The following REXO5 variants were observed in gnomAD, a reference collection of about 807,000 sequenced individuals.
REXO5 encodes exonuclease NEF-sp.
Under a neutral mutation model 88.5 loss-of-function variants are expected in REXO5, and 48 were observed. The ratio of observed to expected loss-of-function variants is 0.54; its 90% CI spans 0.43 to 0.69. REXO5 has a LOEUF of 0.69. Ranked by LOEUF, REXO5 falls within the 30% of genes least tolerant of loss-of-function variation. REXO5 has a pLI of 0.00. For synonymous variants in REXO5, 311 were observed against 336.5 expected (o/e 0.92, Z 0.83); for missense variants, 749 against 912.2 (o/e 0.82, Z 2.30).
intron 2 of REXO5, chr16:20,807,296 C>T: frequency 4.9e-6 from 3 of 616,458 alleles, no homozygotes; most frequent in Non-Finnish European, 8.2e-6. Flanking sequence ...GATAGTGAGT[C>T]GGCCGAGTGC....
chr16:20,833,206 T>A, intron 13 of REXO5, 83 bp downstream of exon 13: 1 of 1,414,912 alleles, frequency 7.1e-7, no homozygotes, highest in African/African-American at 1.4e-5. Context: ...GTGTCAAGCT[T>A]TTTTTCATCA....
intron 19 of REXO5, among the ~76,000 whole-genome samples, chr16:20,847,885 G>A (rs1423023391): frequency 6.6e-6 from 1 of 152,198 alleles, no homozygotes; most frequent in Non-Finnish European, 1.5e-5. Flanking sequence ...GGTAAACTAA[G>A]TCAAGAGTAG....
At chr16:20,815,156 C>A in intron 4 of REXO5, 103 bp downstream of exon 4, 1 of 1,292,696 alleles carries the variant, frequency 7.7e-7, no homozygotes, top group Non-Finnish European at 1.1e-6. Context: ...ACTGAACAAA[C>A]AGTAGGGGAT....
chr16:20,809,256 A>G (rs1386562463), intron 2 of REXO5, among the ~76,000 whole-genome samples: 1 of 152,156 alleles, frequency 6.6e-6, no homozygotes, highest in Non-Finnish European at 1.5e-5. Context: ...CACCCTCAAG[A>G]TATTTTATTA....
chr16:20,839,651 A>G, intron 13 of REXO5, 104 bp from the exon 14 acceptor site: 2 of 629,396 alleles, frequency 3.2e-6, no homozygotes, highest in East Asian at 2.8e-5. Flanking sequence ...ACCTTTCAGT[A>G]TGCGTAAAAA....
chr16:20,842,485 T>G (rs1038066371), intron 15 of REXO5, among the ~76,000 whole-genome samples: 33 of 151,250 alleles, frequency 2.2e-4, no homozygotes, highest in East Asian at 7.7e-4. Context: ...TTTGTTTGTT[T>G]TTTTTTTTTT....
At chr16:20,808,866 G>A (rs1240173499) in intron 2 of REXO5, 1 of 150,880 alleles carries the variant, frequency 6.6e-6, no homozygotes, top group Non-Finnish European at 1.5e-5. Flanking sequence ...GCCTCTGCAA[G>A]TTCTGGGATT....
chr16:20,831,199 A>T (rs1245865272), intron 11 of REXO5, among the ~76,000 whole-genome samples: 6 of 152,112 alleles, frequency 3.9e-5, no homozygotes, highest in Non-Finnish European at 1.5e-5. Flanking sequence ...TCATTGTTTT[A>T]GGTATTTTTG....
At position 20,849,370 on chromosome 16, in the gene REXO5, A is replaced by AACAT. The variant is rs755682848; in HGVS notation, c.2244-26_2244-23dup. 102 of 1,594,882 alleles carry AACAT rather than the reference A, an allele frequency of 6.4e-5. No homozygotes were observed. The African/African-American group carries it at 1.2e-3, about 18-fold the overall frequency. ...CCATTCATTCAACCTTATGGATAAA[A>AACAT]ACATACCTTTGTTTCTTATTTATTG... On this transcript the variant is annotated intron_variant, in intron 19 of 19. Transcript: ENST00000261377.
Position 20,825,927 on chromosome 16 carries a change from A to G in REXO5, c.800A>G (p.Lys267Arg). 1 of 1,613,474 alleles carries G rather than the reference A, an allele frequency of 6.2e-7. No homozygotes were observed. The highest frequency in any genetic ancestry group is 8.5e-7 in the Non-Finnish European group (1 of 1,179,626). The change falls in exon 8 of 20, where the codon AAG becomes AGG. Residue 267 changes from lysine (K) to arginine (R), a missense_variant. By Grantham distance (26) the Lys-to-Arg change is conservative. Transcript: ENST00000261377. The part of the protein sequence containing the change: ...VMDELVKPEN[K>R]ILDYLTSFSG... Reference sequence around the variant, plus strand: ...GATGAACTGGTCAAACCTGAAAACAAGATTCTGGACTACCTCACCAGGTAT... The same window carrying G: ...GATGAACTGGTCAAACCTGAAAACAGGATTCTGGACTACCTCACCAGGTAT...
At chr16:20,806,519 G>A (rs978583824), upstream of REXO5, 33 of 1,537,932 alleles carry the variant, frequency 2.1e-5, no homozygotes, top group East Asian at 4.9e-5. Context: ...CGAGGCTGAG[G>A]GGCGGTTGTT....
chr16:20,829,137 T>G (rs2081302731), intron 11 of REXO5, among the ~76,000 whole-genome samples: 1 of 152,198 alleles, frequency 6.6e-6, no homozygotes, highest in South Asian at 2.1e-4. Flanking sequence ...CTGTATAATC[T>G]AGGGCAATTT....
In REXO5 at chr16:20,839,820, G is replaced by T; in HGVS notation, c.1449G>T (p.Lys483Asn). 6.2e-7 allele frequency: 1 copy of T among 1,613,738 alleles called. No individual in the cohort carries two copies. The highest frequency in any genetic ancestry group is 8.5e-7 in the Non-Finnish European group (1 of 1,179,742). Reference sequence around the variant, plus strand: ...TCAGCATTGTTCAGTTCTCTTTTAAGGCCTTTTCACCTGTCCTCACTGAGG... The same window carrying T: ...TCAGCATTGTTCAGTTCTCTTTTAATGCCTTTTCACCTGTCCTCACTGAGG... ...FPFSIVQFSF[K>N]AFSPVLTEEM... Residue 483 changes from lysine (K) to asparagine (N), a missense_variant, in exon 14 of 20, where the codon AAG becomes AAT. Transcript: ENST00000261377.
intron 19 of REXO5, among the ~76,000 whole-genome samples, chr16:20,849,003 A>G (rs537723887): frequency 1.3e-5 from 2 of 152,338 alleles, no homozygotes; most frequent in African/African-American, 4.8e-5. Context: ...TTAAATGAGG[A>G]TAACACTTGT....
At chr16:20,821,090 A>G (rs1390075913) in intron 5 of REXO5, 1 of 152,250 alleles carries the variant, frequency 6.6e-6, no homozygotes, top group Non-Finnish European at 1.5e-5. Flanking sequence ...GGTGGAGTAT[A>G]TTTAGCTAGA....
chr16:20,844,808 T>A lies in REXO5; in HGVS notation c.1899T>A (p.Asp633Glu). 6.2e-7 allele frequency: 1 copy of A among 1,614,120 alleles called. No individual in the cohort carries two copies. The highest frequency in any genetic ancestry group is 8.5e-7 in the Non-Finnish European group (1 of 1,179,998). Reference protein sequence around the residue: ...LGLEAVILPKDLKSGKQKKYC... With the variant: ...LGLEAVILPKELKSGKQKKYC... ...TGGAAGCTGTGATCTTGCCTAAAGA[T>A]CTTAAAAGTGGAAAGCAGAAAAAAT... The change falls in exon 17 of 20, where the codon GAT (aspartate) becomes GAA (glutamate). Residue 633 changes from aspartate to glutamate, a missense_variant. Asp to Glu is a conservative substitution (Grantham distance 45). Transcript: ENST00000261377.
intron 14 of REXO5, 23 bp downstream of exon 14, chr16:20,839,882 ATGATT>A: frequency 7.0e-7 from 1 of 1,436,168 alleles, no homozygotes; most frequent in Non-Finnish European, 9.8e-7. Context: ...GTTCTGCTGA[ATGATT>A]TATTTAGTGA....
At chr16:20,806,802 G>T in intron 1 of REXO5, 97 bp downstream of exon 1, 1 of 1,286,180 alleles carries the variant, frequency 7.8e-7, no homozygotes, top group Admixed American at 2.9e-5. Context: ...TTTTTTAGGG[G>T]AACGGGGATA....
chr16:20,845,556 T>G (rs1422482021), intron 18 of REXO5, among the ~76,000 whole-genome samples: 1 of 152,062 alleles, frequency 6.6e-6, no homozygotes, highest in Non-Finnish European at 1.5e-5. Flanking sequence ...CAAGATAAAT[T>G]GTGGTTGTCA....
Sources: gnomAD v4.1 joint callset for allele counts (sites outside exome capture counted in the v4.1 genomes callset) on GRCh38, gnomAD v4.1.1 for gene constraint, MANE v1.5 for transcripts, NCBI Gene and HGNC (gene_info 2026-07-23, HGNC 2026-07-21) for gene names.